The following MBD5 variants were observed in gnomAD, a reference collection of about 807,000 sequenced individuals.
MBD5 encodes methyl-CpG binding domain protein 5, also known as methyl-CpG-binding domain protein 5.
Under a neutral mutation model 117.3 loss-of-function variants are expected in MBD5, and 13 were observed. That is an observed-to-expected ratio of 0.11 (90% confidence interval 0.07 to 0.18). MBD5 has a LOEUF of 0.18. Among genes scored for constraint, MBD5 ranks in the 10% least tolerant of loss-of-function variants. MBD5 has a pLI of 1.00. For synonymous variants in MBD5, 727 were observed against 766.4 expected (o/e 0.95, Z 0.85); for missense variants, 1,879 against 2,093.8 (o/e 0.90, Z 2.00).
At chr2:148,081,706 A>G (rs1457437887) in intron 1 of MBD5, among the ~76,000 whole-genome samples, 2 of 152,098 alleles carry the variant, frequency 1.3e-5, no homozygotes, top group African/African-American at 4.8e-5. Context: ...CGCAGAACCC[A>G]TGGTGCCACC....
chr2:148,415,156 A>G (rs1044969679), intron 4 of MBD5, among the ~76,000 whole-genome samples: 9 of 152,196 alleles, frequency 5.9e-5, no homozygotes, highest in African/African-American at 2.2e-4. Flanking sequence ...TGTAAGGCAG[A>G]TGAGGTGGTA....
intron 1 of MBD5, among the ~76,000 whole-genome samples, chr2:148,166,951 G>A (rs1419517876): frequency 6.6e-6 from 1 of 151,940 alleles, no homozygotes; most frequent in Non-Finnish European, 1.5e-5. Context: ...CTTTAATTGG[G>A]GGTTTTGTTT....
chr2:148,288,070 G>GGT lies in MBD5; in HGVS notation c.-679-54129_-679-54128dup, dbSNP rs141349181. 6.2e-3 allele frequency among the ~76,000 whole-genome samples: 939 copies of GGT among 151,144 alleles called. 9 individuals carry two copies. Among genetic ancestry groups the GGT allele is most frequent in the African/African-American group, 0.021 (859 of 41,296 alleles). On this transcript the variant is annotated intron_variant, in intron 3 of 13. Coordinates refer to ENST00000642680, the MANE Select transcript of MBD5 (RefSeq NM_001378120.1). ...GTACCATGAAAGTGTGTGTTATGTT[G>GGT]GTGTGTGTGTGTGTGTATAAACTTC...
chr2:148,150,907 T>C (rs1302716209), intron 1 of MBD5, among the ~76,000 whole-genome samples: 1 of 152,096 alleles, frequency 6.6e-6, no homozygotes, highest in East Asian at 1.9e-4. Context: ...TTTGGCTTCC[T>C]CTTTTCCTAA....
chr2:148,133,547 G>A (rs890432372), intron 1 of MBD5, among the ~76,000 whole-genome samples: 4 of 152,188 alleles, frequency 2.6e-5, no homozygotes, highest in African/African-American at 9.6e-5. Flanking sequence ...TACTAGGCCG[G>A]GCACAGTGGC....
At chr2:148,266,798 A>G (rs1700871185) in intron 3 of MBD5, among the ~76,000 whole-genome samples, 1 of 152,188 alleles carries the variant, frequency 6.6e-6, no homozygotes, top group Admixed American at 6.5e-5. Flanking sequence ...GAAGAAAACT[A>G]TAAAACTTTG....
intron 2 of MBD5, among the ~76,000 whole-genome samples, chr2:148,202,201 T>C (rs1699162876): frequency 6.6e-6 from 1 of 152,182 alleles, no homozygotes; most frequent in Admixed American, 6.5e-5. Flanking sequence ...AGTAAATAAT[T>C]ACATAATATA....
chr2:148,489,720 T>C lies in MBD5; in HGVS notation c.4088T>C (p.Ile1363Thr), dbSNP rs748142226. 2.7e-5 allele frequency: 44 copies of C among 1,614,052 alleles called. No homozygotes were observed. Among genetic ancestry groups the C allele is most frequent in the Non-Finnish European group, 2.5e-5 (29 of 1,180,040 alleles). Residue 1363 changes from isoleucine (I) to threonine (T), a missense_variant, in exon 11 of 14, where the codon ATT (isoleucine) becomes ACT (threonine). Coordinates refer to ENST00000642680, the MANE Select transcript of MBD5 (RefSeq NM_001378120.1). ...GCCATGAGTGCCTTCACTGCCTCAA[T>C]TGGTGACCCATTAAATCTCTCCAGT... is the stretch of plus-strand genomic sequence containing the variant. The part of the protein sequence containing the change: ...LSAMSAFTAS[I>T]GDPLNLSSAV...
At chr2:148,249,893 T>G (rs1004159956) in intron 3 of MBD5, among the ~76,000 whole-genome samples, 2 of 152,148 alleles carry the variant, frequency 1.3e-5, no homozygotes, top group Admixed American at 1.3e-4. Context: ...GGGATGCTGC[T>G]TCACATCCGA....
chr2:148,256,977 A>G (rs1239220727), intron 3 of MBD5, among the ~76,000 whole-genome samples: 1 of 152,082 alleles, frequency 6.6e-6, no homozygotes, highest in Non-Finnish European at 1.5e-5. Context: ...CCATGAATGC[A>G]CCCATCCTGC....
intron 1 of MBD5, among the ~76,000 whole-genome samples, chr2:148,085,387 C>T (rs1157694969): frequency 1.3e-5 from 2 of 152,190 alleles, no homozygotes; most frequent in African/African-American, 4.8e-5. Flanking sequence ...GAAACTTTTA[C>T]AGGAATCCTT....
intron 4 of MBD5, among the ~76,000 whole-genome samples, chr2:148,349,174 C>T (rs16828570): frequency 0.28 from 42,034 of 151,682 alleles, 6,042 homozygotes; most frequent in Admixed American, 0.31. Flanking sequence ...ACGCTAAATT[C>T]TAGGTTTCTG....
intron 1 of MBD5, among the ~76,000 whole-genome samples, chr2:148,057,801 T>C (rs1694911069): frequency 6.6e-6 from 1 of 151,972 alleles, no homozygotes; most frequent in African/African-American, 2.4e-5. Context: ...ATGAAGAGCA[T>C]GTCCACAAAA....
intron 2 of MBD5, among the ~76,000 whole-genome samples, chr2:148,224,885 G>A (rs1455989791): frequency 6.6e-6 from 1 of 151,732 alleles, no homozygotes; most frequent in Admixed American, 6.6e-5. Flanking sequence ...GGCCACTCCT[G>A]CTCTTTTGGT....
At chr2:148,309,003 A>T (rs1701963951) in intron 3 of MBD5, among the ~76,000 whole-genome samples, 1 of 151,986 alleles carries the variant, frequency 6.6e-6, no homozygotes, top group African/African-American at 2.4e-5. Context: ...GTTCCGTTTC[A>T]TTGGTCTATA....
At chr2:148,457,732 A>T (rs1354398154) in intron 4 of MBD5, among the ~76,000 whole-genome samples, 4 of 152,120 alleles carry the variant, frequency 2.6e-5, no homozygotes, top group Non-Finnish European at 4.4e-5. Flanking sequence ...TTTTTATTTT[A>T]AAAAAATAAA....
At chr2:148,511,493 A>G (rs1337814531) in intron 13 of MBD5, among the ~76,000 whole-genome samples, 1 of 152,250 alleles carries the variant, frequency 6.6e-6, no homozygotes, top group Admixed American at 6.5e-5. Context: ...ATGCTCCAGC[A>G]GATCTTAGAC....
intron 1 of MBD5, among the ~76,000 whole-genome samples, chr2:148,125,853 T>G (rs1403496413): frequency 6.6e-6 from 1 of 152,206 alleles, no homozygotes; most frequent in African/African-American, 2.4e-5. Flanking sequence ...TATAAAATGT[T>G]TTGTTTCTAA....
chr2:148,052,051 T>C (rs921318373), intron 1 of MBD5, among the ~76,000 whole-genome samples: 4 of 151,986 alleles, frequency 2.6e-5, no homozygotes, highest in Non-Finnish European at 5.9e-5. Flanking sequence ...CTCTTTTTTT[T>C]CTTGGGTAGT....
Sources: allele counts gnomAD v4.1 joint callset (sites outside exome capture counted in the v4.1 genomes callset), GRCh38; gene constraint gnomAD v4.1.1; transcripts MANE v1.5; gene names NCBI Gene and HGNC (gene_info 2026-07-23, HGNC 2026-07-21).